CELF2: variants seen among roughly 807,000 people sequenced by gnomAD.
CELF2 encodes CUG triplet repeat RNA-binding protein 2.
CELF2 carries 8 observed loss-of-function variants against 62.6 expected under a neutral mutation model. The observed-to-expected ratio is 0.13, with a 90% CI of 0.07 to 0.23. CELF2 has a LOEUF of 0.23. Among genes scored for constraint, CELF2 ranks in the 10% least tolerant of loss-of-function variants. CELF2 has a pLI of 1.00. For missense variants in CELF2, 333 were observed against 671.0 expected (o/e 0.50, Z 5.56); for synonymous variants, 258 against 250.0 (o/e 1.03, Z -0.30).
chr10:10,871,320 C>T lies in CELF2; in HGVS notation c.54-48644C>T, dbSNP rs534727421. The stretch of plus-strand genomic sequence containing the variant: ...ACTGATGTCACTGGCTGGCATTTTG[C>T]ACATCTTTAAATTCACTAAAAATCT... On this transcript the variant is annotated intron_variant, in intron 1 of 13. Coordinates refer to the CELF2 transcript ENST00000636488. Among the ~76,000 whole-genome samples, 10 of 152,346 alleles carry T rather than the reference C, an allele frequency of 6.6e-5. 1 individual carries two copies. Among genetic ancestry groups the T allele is most frequent in the African/African-American group, 2.2e-4 (9 of 41,586 alleles).
At chr10:10,525,848 G>T in the CELF2 span, among the ~76,000 whole-genome samples, 1 of 152,162 alleles carries the variant, frequency 6.6e-6, no homozygotes, top group Non-Finnish European at 1.5e-5. Flanking sequence ...CCCAGTGGTG[G>T]ATCATACTGG....
At chr10:10,584,592 G>A in the CELF2 span, among the ~76,000 whole-genome samples, 2 of 152,194 alleles carry the variant, frequency 1.3e-5, no homozygotes, top group Non-Finnish European at 2.9e-5. Flanking sequence ...GACATATTTA[G>A]TTTGCTTTAA....
At chr10:11,035,994 A>G (rs1452742024) in intron 1 of CELF2, among the ~76,000 whole-genome samples, 4 of 152,222 alleles carry the variant, frequency 2.6e-5, no homozygotes, top group Non-Finnish European at 5.9e-5. Flanking sequence ...TAATGTTGAC[A>G]CTGTATATAT....
chr10:10,610,176 T>C, the CELF2 span, among the ~76,000 whole-genome samples: 1 of 152,356 alleles, frequency 6.6e-6, no homozygotes, highest in East Asian at 1.9e-4. Flanking sequence ...GCCTTGCTTT[T>C]CTTCAGTCAG....
At chr10:10,913,149 G>C (rs746367867) in intron 1 of CELF2, among the ~76,000 whole-genome samples, 5 of 152,134 alleles carry the variant, frequency 3.3e-5, no homozygotes, top group Non-Finnish European at 5.9e-5. Context: ...GAAAATCAAG[G>C]AGGAATAAAA....
the CELF2 span, among the ~76,000 whole-genome samples, chr10:10,789,841 A>T: frequency 6.6e-6 from 1 of 152,030 alleles, no homozygotes. Context: ...ATCCATATAT[A>T]TTTCTTAATT....
At chr10:10,557,418 G>T in the CELF2 span, among the ~76,000 whole-genome samples, 2 of 148,048 alleles carry the variant, frequency 1.4e-5, 1 homozygote, top group African/African-American at 5.1e-5. Flanking sequence ...CCAGTACCAT[G>T]CTGTTTTGGT....
the CELF2 span, among the ~76,000 whole-genome samples, chr10:10,621,341 T>C: frequency 2.0e-5 from 3 of 152,094 alleles, no homozygotes; most frequent in African/African-American, 7.2e-5. Flanking sequence ...AGAGCCTCCT[T>C]AATTCTTTGG....
At position 11,328,688 on chromosome 10, in the gene CELF2, G is replaced by C. The variant is rs987488200; in HGVS notation, c.1439-238G>C. On this transcript the variant is annotated intron_variant, in intron 12 of 12. Transcript: ENST00000633077. This position sits in a 1 kb window ranked among gnomAD's most constrained non-coding sequence, Gnocchi z 6.4. ...GTCTGAGGTTTCAGTGTTGTGGGGA[G>C]GGGTGTGTGCTCCATGATGCCACAT... Among the ~76,000 whole-genome samples, 3 of 152,246 alleles carry C rather than the reference G, an allele frequency of 2.0e-5. No individual in the cohort carries two copies. Among genetic ancestry groups the C allele is most frequent in the Non-Finnish European group, 4.4e-5 (3 of 68,040 alleles).
At chr10:10,500,323 A>T in the CELF2 span, among the ~76,000 whole-genome samples, 11 of 152,194 alleles carry the variant, frequency 7.2e-5, no homozygotes, top group African/African-American at 1.4e-4. Context: ...ACATCTTTCA[A>T]AACTATATGA....
intron 1 of CELF2, among the ~76,000 whole-genome samples, chr10:11,085,187 T>G: frequency 6.6e-6 from 1 of 152,246 alleles, no homozygotes; most frequent in Non-Finnish European, 1.5e-5. Context: ...ACCTTAAGGT[T>G]TAGTAGATAC....
chr10:10,768,355 G>A, the CELF2 span, among the ~76,000 whole-genome samples: 10 of 152,006 alleles, frequency 6.6e-5, no homozygotes, highest in African/African-American at 2.2e-4. Context: ...CAGGGACACA[G>A]GGCAAAGCGC....
At chr10:10,937,121 C>CTTTTTTTTTT (rs373143426) in intron 2 of CELF2, among the ~76,000 whole-genome samples, 8 of 90,538 alleles carry the variant, frequency 8.8e-5, no homozygotes, top group Non-Finnish European at 1.2e-4. Context: ...TTTTTCTTTT[C>CTTTTTTTTTT]TTTTTTTTTT....
At chr10:10,897,904 G>T (rs2062675230) in intron 1 of CELF2, among the ~76,000 whole-genome samples, 1 of 152,154 alleles carries the variant, frequency 6.6e-6, no homozygotes, top group African/African-American at 2.4e-5. Context: ...AGAAAAGAAA[G>T]ACCTCCAGAG....
intron 7 of CELF2, among the ~76,000 whole-genome samples, chr10:11,272,348 A>G (rs1350741812): frequency 6.6e-6 from 1 of 152,252 alleles, no homozygotes. Flanking sequence ...TAGCTTGACT[A>G]TGATTTGTTT....
chr10:10,926,835 TTTC>T (rs1392808463), intron 2 of CELF2, among the ~76,000 whole-genome samples: 4 of 152,180 alleles, frequency 2.6e-5, no homozygotes, highest in South Asian at 4.2e-4. Flanking sequence ...GGTAGGTGCT[TTTC>T]TTCTTCTTCT....
At chr10:11,033,911 G>A (rs747808897) in intron 1 of CELF2, among the ~76,000 whole-genome samples, 90 of 152,264 alleles carry the variant, frequency 5.9e-4, no homozygotes, top group Admixed American at 8.5e-4. Flanking sequence ...TTGTTTTGTT[G>A]TCACTTGGAA....
chr10:11,184,902 G>A (rs749856067), intron 2 of CELF2, among the ~76,000 whole-genome samples: 2 of 151,962 alleles, frequency 1.3e-5, no homozygotes, highest in Non-Finnish European at 2.9e-5. Context: ...TGGCCAAAAC[G>A]TCCACTATGG....
At chr10:10,920,532 ATGTAATTGATCATT>A (rs1214931927) in intron 2 of CELF2, among the ~76,000 whole-genome samples, 2 of 152,224 alleles carry the variant, frequency 1.3e-5, no homozygotes, top group Non-Finnish European at 2.9e-5. Context: ...AGAAATTAAT[ATGTAATTGATCATT>A]GTGCTTTATA....
Sources: allele counts gnomAD v4.1 joint callset (sites outside exome capture counted in the v4.1 genomes callset), GRCh38; gene constraint gnomAD v4.1.1; non-coding constraint Gnocchi (gnomAD v3.1); transcripts MANE v1.5; gene names NCBI Gene and HGNC (gene_info 2026-07-23, HGNC 2026-07-21).